Variants in TYR observed in about 807,000 individuals in gnomAD.
The protein encoded by TYR is tyrosinase.
In TYR, 58 loss-of-function variants were observed where a neutral mutation model predicts 51.5. The ratio of observed to expected loss-of-function variants is 1.13; its 90% CI spans 0.91 to 1.40. TYR has a LOEUF of 1.40. Ranked by LOEUF, TYR falls within the 40% of genes most tolerant of loss-of-function variation. The probability of loss-of-function intolerance (pLI) is 0.00; values close to 1 mark genes in which losing one functional copy is unlikely to be tolerated. For synonymous variants in TYR, 263 were observed against 235.2 expected (o/e 1.12, Z -1.08); for missense variants, 732 against 647.4 (o/e 1.13, Z -1.42).
chr11:89,194,882 G>C (rs1943494601), intron 2 of TYR, among the ~76,000 whole-genome samples: 1 of 152,092 alleles, frequency 6.6e-6, no homozygotes, highest in African/African-American at 2.4e-5. Context: ...AATTATTCTA[G>C]AGCATCTTGT....
rs542589293 is a variant in TYR, at chr11:89,247,621, A to C, written c.1184+19651A>C. On this transcript the variant is annotated intron_variant, in intron 3 of 4. Coordinates refer to ENST00000263321, the MANE Select transcript of TYR (RefSeq NM_000372.5). The stretch of plus-strand genomic sequence containing the variant: ...GAAACATGACTTGTCATTATTGCTG[A>C]AATCTTAAAGAGAATTTCAAGATCA... Among the ~76,000 whole-genome samples, 4 of 152,340 alleles carry C rather than the reference A, an allele frequency of 2.6e-5. No homozygotes were observed. The South Asian group carries it at 6.2e-4, about 24-fold the overall frequency.
At chr11:89,247,998 C>A (rs529559351) in intron 3 of TYR, among the ~76,000 whole-genome samples, 46 of 152,208 alleles carry the variant, frequency 3.0e-4, no homozygotes, top group African/African-American at 1.0e-3. Context: ...TGATTAAGAT[C>A]ATAGATTTTA....
intron 2 of TYR, among the ~76,000 whole-genome samples, chr11:89,226,611 A>G (rs1172711182): frequency 6.6e-6 from 1 of 152,130 alleles, no homozygotes; most frequent in African/African-American, 2.4e-5. Flanking sequence ...GTCAGTCACA[A>G]TAGTGGGAGA....
intron 1 of TYR, among the ~76,000 whole-genome samples, chr11:89,184,877 G>A (rs1257890260): frequency 1.3e-5 from 2 of 152,102 alleles, no homozygotes; most frequent in Non-Finnish European, 2.9e-5. Context: ...ATTAAGAGTA[G>A]GTTCTCTAAG....
intron 3 of TYR, 57 bp from the exon 4 acceptor site, chr11:89,284,716 A>G: frequency 6.4e-7 from 1 of 1,558,822 alleles, no homozygotes; most frequent in Middle Eastern, 1.7e-4. Context: ...AAAAATTTTC[A>G]AATGTTTCTT....
At chr11:89,197,765 A>G (rs77973279) in intron 2 of TYR, among the ~76,000 whole-genome samples, 2,935 of 152,224 alleles carry the variant, frequency 0.019, 48 homozygotes, top group East Asian at 0.041. Context: ...GGAAAGCAAC[A>G]AGTTCAGGAT....
intron 3 of TYR, among the ~76,000 whole-genome samples, chr11:89,240,466 A>G (rs1006048617): frequency 4.6e-5 from 7 of 152,060 alleles, no homozygotes; most frequent in African/African-American, 1.7e-4. Context: ...ATTGCATTGT[A>G]TAGGTTGTTC....
At chr11:89,201,498 TG>T (rs1220269215) in intron 2 of TYR, among the ~76,000 whole-genome samples, 1 of 152,246 alleles carries the variant, frequency 6.6e-6, no homozygotes, top group African/African-American at 2.4e-5. Flanking sequence ...TAAAAAGGCA[TG>T]TAAAAAAAGA....
intron 2 of TYR, among the ~76,000 whole-genome samples, chr11:89,221,006 T>C (rs1387140814): frequency 6.6e-6 from 1 of 152,206 alleles, no homozygotes; most frequent in East Asian, 1.9e-4. Flanking sequence ...AAAACCTTTC[T>C]TGAATTTATG....
At chr11:89,199,808 C>A (rs1488168733) in intron 2 of TYR, among the ~76,000 whole-genome samples, 4 of 152,090 alleles carry the variant, frequency 2.6e-5, no homozygotes, top group Non-Finnish European at 5.9e-5. Context: ...AGCTAAAGAG[C>A]TTTTGTTTAA....
Position 89,207,095 on chromosome 11 carries a change from GCA to G in TYR, c.1036+15680_1036+15681del, listed in dbSNP as rs1164207791. On this transcript the variant is annotated intron_variant, in intron 2 of 4. Transcript: ENST00000263321. The stretch of plus-strand genomic sequence containing the variant: ...AATAGAAGAGCAAAATAAAACCAAA[GCA>G]CAGAGAATGAAGGAAATAATAAAGA... Among the ~76,000 whole-genome samples the G allele has an allele frequency of 3.3e-5, 5 of 151,706 alleles. No homozygotes were observed. In the Middle Eastern group the frequency reaches 0.01, roughly 310 times the overall value.
At chr11:89,262,595 C>T (rs534045142) in intron 3 of TYR, among the ~76,000 whole-genome samples, 49 of 143,234 alleles carry the variant, frequency 3.4e-4, no homozygotes, top group African/African-American at 1.2e-3. Context: ...AAACATTTAG[C>T]TAGACTGGCC....
chr11:89,229,604 G>A (rs1458595739), intron 3 of TYR, among the ~76,000 whole-genome samples: 1 of 151,750 alleles, frequency 6.6e-6, no homozygotes, highest in Non-Finnish European at 1.5e-5. Flanking sequence ...AAAGGAAGAG[G>A]ATATTGTTTC....
intron 2 of TYR, among the ~76,000 whole-genome samples, chr11:89,223,964 G>A (rs1275654587): frequency 2.0e-5 from 3 of 149,998 alleles, no homozygotes; most frequent in Non-Finnish European, 2.9e-5. Flanking sequence ...CATCTGTCAG[G>A]TCAGTATAGT....
chr11:89,196,703 A>G (rs183097237), intron 2 of TYR, among the ~76,000 whole-genome samples: 225 of 152,266 alleles, frequency 1.5e-3, no homozygotes, highest in Non-Finnish European at 2.1e-3. Flanking sequence ...GAAACTTACT[A>G]TTGGAGGAGA....
chr11:89,276,270 C>A (rs1031214960), intron 3 of TYR, among the ~76,000 whole-genome samples: 14 of 151,810 alleles, frequency 9.2e-5, no homozygotes, highest in Non-Finnish European at 1.9e-4. Flanking sequence ...GTTTAACTGA[C>A]AATCTAGCAT....
chr11:89,219,059 G>T (rs1943873317), intron 2 of TYR, among the ~76,000 whole-genome samples: 1 of 152,102 alleles, frequency 6.6e-6, no homozygotes, highest in African/African-American at 2.4e-5. Flanking sequence ...GATTACATAA[G>T]TCAGTATTTG....
Position 89,178,393 on chromosome 11 carries a change from C to T in TYR, c.440C>T (p.Ser147Leu), listed in dbSNP as rs1288816930. 6.2e-6 allele frequency: 10 copies of T among 1,614,172 alleles called. No individual in the cohort carries two copies. The highest frequency in any genetic ancestry group is 8.5e-6 in the Non-Finnish European group (10 of 1,180,038). ...YLTLAKHTIS[S>L]DYVIPIGTYG... ...ACTTTAGCAAAGCATACCATCAGCT[C>T]AGACTATGTCATCCCCATAGGGACC... Residue 147 changes from serine to leucine, a missense_variant, in exon 1 of 5, where the codon TCA becomes TTA. Ser to Leu is a moderately radical substitution (Grantham distance 145, BLOSUM62 -2). Coordinates refer to ENST00000263321, the MANE Select transcript of TYR (RefSeq NM_000372.5).
At chr11:89,213,534 T>A (rs1157370066) in intron 2 of TYR, among the ~76,000 whole-genome samples, 1 of 152,154 alleles carries the variant, frequency 6.6e-6, no homozygotes, top group African/African-American at 2.4e-5. Flanking sequence ...ACAGATCCAA[T>A]GCTATCCCCA....
Sources: gnomAD v4.1 joint callset for allele counts (sites outside exome capture counted in the v4.1 genomes callset) on GRCh38, gnomAD v4.1.1 for gene constraint, MANE v1.5 for transcripts, NCBI Gene and HGNC (gene_info 2026-07-23, HGNC 2026-07-21) for gene names.